Variants in DCAF8L2 observed in about 807,000 individuals in gnomAD.
DCAF8L2 encodes DDB1 and CUL4 associated factor 8 like 2, also known as DDB1- and CUL4-associated factor 8-like protein 2.
For synonymous variants in DCAF8L2, 200 were observed against 190.9 expected, an observed-to-expected ratio of 1.05 and a Z score of -0.39; for missense variants, 430 against 490.7, an observed-to-expected ratio of 0.88 and a Z score of 1.17.
At chrX:27,533,168 A>G in the DCAF8L2 span, among the ~76,000 whole-genome samples, 2,112 of 10,758 alleles carry the variant, frequency 0.2, 157 homozygotes, top group East Asian at 0.42. Flanking sequence ...GAGAGAGAGA[A>G]AGAAAGAAAG....
At chrX:27,611,473 T>C (rs1267785375) in intron 1 of DCAF8L2, among the ~76,000 whole-genome samples, 1 of 109,954 alleles carries the variant, frequency 9.1e-6, no homozygotes, top group Non-Finnish European at 1.9e-5. Flanking sequence ...CTTTAAGTTC[T>C]GGGGTACATG....
At chrX:27,492,777 G>A in the DCAF8L2 span, among the ~76,000 whole-genome samples, 2 of 112,105 alleles carry the variant, frequency 1.8e-5, no homozygotes, top group African/African-American at 3.2e-5. Context: ...CACCACGCCC[G>A]GTTCCATGTT....
At chrX:27,594,224 G>A (rs949015100) in intron 1 of DCAF8L2, among the ~76,000 whole-genome samples, 1 of 111,442 alleles carries the variant, frequency 9.0e-6, no homozygotes, top group African/African-American at 3.3e-5. Context: ...GGGTTATTCT[G>A]ATAAAAATAA....
intron 3 of DCAF8L2, among the ~76,000 whole-genome samples, chrX:27,699,647 G>T (rs1306741173): frequency 1.8e-5 from 2 of 111,353 alleles, no homozygotes; most frequent in Non-Finnish European, 3.8e-5. Flanking sequence ...AGTTTCTGAA[G>T]TGTTAAGGTA....
intron 2 of DCAF8L2, among the ~76,000 whole-genome samples, chrX:27,669,051 G>A (rs1394732630): frequency 9.0e-6 from 1 of 110,685 alleles, no homozygotes; most frequent in East Asian, 2.8e-4. Context: ...TAGTAAAGAG[G>A]GCCCAATAGG....
At chrX:27,526,658 A>G in the DCAF8L2 span, among the ~76,000 whole-genome samples, 1 of 111,806 alleles carries the variant, frequency 8.9e-6, no homozygotes, top group South Asian at 3.7e-4. Context: ...TTGTGGTTTT[A>G]TCTACCTTTG....
intron 2 of DCAF8L2, among the ~76,000 whole-genome samples, chrX:27,641,989 C>T (rs1001702830): frequency 6.5e-5 from 7 of 108,489 alleles, no homozygotes; most frequent in Admixed American, 4.0e-4. Flanking sequence ...CCCGGATTCA[C>T]GCCATTCTCC....
At chrX:27,733,170 T>C (rs1413397609) in intron 4 of DCAF8L2, among the ~76,000 whole-genome samples, 3 of 111,686 alleles carry the variant, frequency 2.7e-5, no homozygotes, top group African/African-American at 9.8e-5. Context: ...GTTTCCCTTT[T>C]ATCCATACCC....
intron 3 of DCAF8L2, among the ~76,000 whole-genome samples, chrX:27,702,232 A>G (rs1228966442): frequency 1.8e-5 from 2 of 110,127 alleles, no homozygotes; most frequent in East Asian, 5.7e-4. Context: ...AATACACAAA[A>G]CATTCCCAGG....
At chrX:27,643,635 T>C (rs938664831) in intron 2 of DCAF8L2, among the ~76,000 whole-genome samples, 4 of 111,873 alleles carry the variant, frequency 3.6e-5, no homozygotes, top group Non-Finnish European at 7.5e-5. Context: ...TAAAACATAA[T>C]GTCCAACGTT....
At chrX:27,701,136 G>C (rs73196140) in intron 3 of DCAF8L2, among the ~76,000 whole-genome samples, 36 of 111,260 alleles carry the variant, frequency 3.2e-4, no homozygotes, top group Middle Eastern at 4.7e-3. Context: ...TTCTTACTGA[G>C]ATGAGTATAA....
the DCAF8L2 span, among the ~76,000 whole-genome samples, chrX:27,533,325 G>C: frequency 9.1e-6 from 1 of 109,520 alleles, no homozygotes; most frequent in Non-Finnish European, 1.9e-5. Flanking sequence ...AGGATCACTT[G>C]AACCCGAGAG....
At chrX:27,628,589 A>C (rs1335429301) in intron 1 of DCAF8L2, among the ~76,000 whole-genome samples, 2 of 99,366 alleles carry the variant, frequency 2.0e-5, no homozygotes, top group African/African-American at 3.7e-5. Context: ...CCTTGCCAAC[A>C]CTTGTTGGCT....
At chrX:27,588,470 C>A (rs1299086325), upstream of DCAF8L2, among the ~76,000 whole-genome samples, 1 of 110,873 alleles carries the variant, frequency 9.0e-6, no homozygotes, top group Non-Finnish European at 1.9e-5. Context: ...GCAGGTAGAA[C>A]AATTTATTTT....
the DCAF8L2 span, among the ~76,000 whole-genome samples, chrX:27,551,959 T>C: frequency 8.9e-6 from 1 of 112,212 alleles, no homozygotes; most frequent in Admixed American, 9.5e-5. Context: ...CAATAGTGTT[T>C]AAGAGTTTCC....
chrX:27,639,389 T>C (rs1928618559), intron 2 of DCAF8L2, among the ~76,000 whole-genome samples: 1 of 111,783 alleles, frequency 8.9e-6, no homozygotes, highest in African/African-American at 3.3e-5. Flanking sequence ...AGGGCGACTA[T>C]AGTTAATAAT....
At chrX:27,617,549 A>G (rs1051907416) in intron 1 of DCAF8L2, among the ~76,000 whole-genome samples, 42 of 111,462 alleles carry the variant, frequency 3.8e-4, no homozygotes, top group Non-Finnish European at 6.2e-4. Flanking sequence ...ATTTAGGATC[A>G]CAACATATTT....
the DCAF8L2 span, among the ~76,000 whole-genome samples, chrX:27,522,671 A>T: frequency 3.6e-5 from 4 of 112,493 alleles, no homozygotes; most frequent in East Asian, 1.1e-3. Flanking sequence ...GACAAATCAT[A>T]CATCATTTGT....
the DCAF8L2 span, among the ~76,000 whole-genome samples, chrX:27,547,844 T>TC: frequency 1.8e-3 from 153 of 86,016 alleles, no homozygotes; most frequent in African/African-American, 7.1e-3. Flanking sequence ...TCTCTCTCTC[T>TC]TTCTCTCTCT....
Sources: allele counts gnomAD v4.1 joint callset (sites outside exome capture counted in the v4.1 genomes callset), GRCh38; gene constraint gnomAD v4.1.1; transcripts MANE v1.5; gene names NCBI Gene and HGNC (gene_info 2026-07-23, HGNC 2026-07-21).